The following CHI3L1 variants were observed in gnomAD, a reference collection of about 807,000 sequenced individuals.
CHI3L1 encodes chitinase-3-like protein 1.
In CHI3L1, 30 loss-of-function variants were observed where a neutral mutation model predicts 40.7. The ratio of observed to expected loss-of-function variants is 0.74; its 90% CI spans 0.55 to 1.00. The LOEUF is 1.00. Among genes scored for constraint, CHI3L1 ranks in the 50% least tolerant of loss-of-function variants. The pLI is 0.00. For synonymous variants in CHI3L1, 210 were observed against 192.1 expected (o/e 1.09, Z -0.77); for missense variants, 493 against 492.2 (o/e 1.00, Z -0.01).
At position 203,185,388 on chromosome 1, in the gene CHI3L1, G is replaced by A. The variant is rs1224829765; in HGVS notation, c.56-3C>T. On this transcript the variant is annotated splice_region_variant and splice_polypyrimidine_tract_variant and intron_variant, in intron 2 of 9. Coordinates refer to ENST00000255409, the MANE Select transcript of CHI3L1 (RefSeq NM_001276.4). ...GCAGACCAGTTTGTATGCAGAGCCT[G>A]AAGGAGAAGTCTGGGATGGGGCCCG... 3.1e-6 allele frequency: 5 copies of A among 1,613,820 alleles called. No individual in the cohort carries two copies. The highest frequency in any genetic ancestry group is 4.5e-5 in the East Asian group (2 of 44,866).
Position 203,182,721 on chromosome 1 carries a change from G to C in CHI3L1, c.587+10C>G. ...GGTTCTGGGGAGGCTGCCTGGGGCAGGAGACTCACTGGGATATCTTGGCAA... is the reference window on the plus strand; with the variant it reads ...GGTTCTGGGGAGGCTGCCTGGGGCACGAGACTCACTGGGATATCTTGGCAA... On this transcript the variant is annotated intron_variant, in intron 6 of 9. Transcript: ENST00000255409. 6.2e-7 allele frequency: 1 copy of C among 1,613,852 alleles called. No homozygotes were observed. The highest frequency in any genetic ancestry group is 8.5e-7 in the Non-Finnish European group (1 of 1,179,970).
chr1:203,179,860 G>T lies in CHI3L1; in HGVS notation c.912C>A (p.Arg304=). 1.2e-6 allele frequency: 2 copies of T among 1,614,110 alleles called. No homozygotes were observed. Among genetic ancestry groups the T allele is most frequent in the Non-Finnish European group, 1.7e-6 (2 of 1,179,988 alleles). Residue 304 remains arginine, a synonymous_variant, in exon 9 of 10, where the codon CGC becomes CGA. Transcript: ENST00000255409. ...CGAGGATTCTATGGACTGTGGCTCCGCGGAGGAAGTCACAGATCTGAGCAG... is the reference window on the plus strand; with the variant it reads ...CGAGGATTCTATGGACTGTGGCTCCTCGGAGGAAGTCACAGATCTGAGCAG... ...LAYYEICDFL[R]GATVHRILGQ...
At position 203,179,108 on chromosome 1, in the gene CHI3L1, A is replaced by G. The variant is rs1655870617; in HGVS notation, c.*337T>C. 5.0e-6 allele frequency: 1 copy of G among 201,716 alleles called. No homozygotes were observed. Among genetic ancestry groups the G allele is most frequent in the African/African-American group, 2.3e-5 (1 of 43,342 alleles). The allele number at this position is 201,716 out of a possible 1,614,324, so 12.5% of individuals were successfully genotyped here. A position where few individuals can be genotyped will look rare whatever the true frequency, so the allele number is the denominator to read the frequency against. ...CTCCTTGGTGATAGAGCTTGCCAAA[A>G]TGGTGTCCTTTGATAAGGAGGGCTG... On this transcript the variant is annotated 3_prime_UTR_variant, in exon 10 of 10. Transcript: ENST00000255409.
In CHI3L1 at chr1:203,179,777, T is replaced by C. The variant is rs377177381; in HGVS notation, c.995A>G (p.Glu332Gly). 1.9e-6 allele frequency: 3 copies of C among 1,614,222 alleles called. No individual in the cohort carries two copies. The highest frequency in any genetic ancestry group is 2.5e-6 in the Non-Finnish European group (3 of 1,180,042). The change falls in exon 9 of 10, where the codon GAA becomes GGA. Residue 332 changes from glutamate (E) to glycine (G), a missense_variant. Glu to Gly is a moderately conservative substitution (Grantham distance 98, BLOSUM62 -2). Coordinates refer to ENST00000255409, the MANE Select transcript of CHI3L1 (RefSeq NM_001276.4). Reference protein sequence around the residue: ...GNQWVGYDDQESVKSKVQYLK... With the variant: ...GNQWVGYDDQGSVKSKVQYLK... Reference sequence around the variant, plus strand: ...GAAACCTACCTTGCTTTTGACGCTTTCCTGGTCGTCGTATCCTACCCACTG... The same window carrying C: ...GAAACCTACCTTGCTTTTGACGCTTCCCTGGTCGTCGTATCCTACCCACTG...
intron 6 of CHI3L1, 147 bp downstream of exon 6, chr1:203,182,584 G>T: frequency 1.2e-6 from 1 of 843,734 alleles, no homozygotes; most frequent in Non-Finnish European, 1.9e-6. Flanking sequence ...GAAGTGACTT[G>T]CTCAAGGTCA....
intron 3 of CHI3L1, among the ~76,000 whole-genome samples, chr1:203,184,856 G>A (rs1656022223): frequency 6.6e-6 from 1 of 152,138 alleles, no homozygotes; most frequent in African/African-American, 2.4e-5. Context: ...GAGGTCTGCT[G>A]CCCATTTTTG....
At chr1:203,184,080 C>T (rs1199799573) in intron 4 of CHI3L1, among the ~76,000 whole-genome samples, 1 of 152,198 alleles carries the variant, frequency 6.6e-6, no homozygotes, top group African/African-American at 2.4e-5. Flanking sequence ...GCTCACCTTG[C>T]TGTTGTGAGG....
At chr1:203,181,136 G>GGCC (rs760069332) in intron 7 of CHI3L1, 26 bp downstream of exon 7, 1 of 1,612,702 alleles carries the variant, frequency 6.2e-7, no homozygotes, top group Non-Finnish European at 8.5e-7. Flanking sequence ...GCCCCCTCCT[G>GGCC]GCCCTCCCTC....
chr1:203,186,423 A>ACCCCC, intron 1 of CHI3L1, 78 bp from the exon 2 acceptor site: 10 of 1,320,872 alleles, frequency 7.6e-6, no homozygotes, highest in Admixed American at 2.1e-5. Context: ...AGCAACTGAG[A>ACCCCC]CCCACCTCCC....
At chr1:203,179,727 C>T (rs755294971) in intron 9 of CHI3L1, 34 bp downstream of exon 9, 10 of 1,614,080 alleles carry the variant, frequency 6.2e-6, no homozygotes, top group Non-Finnish European at 8.5e-6. Context: ...CCTTCTTTCT[C>T]TTTGTCCTGA....
rs1286871129 is a variant in CHI3L1, at chr1:203,181,146, CCTT to C, written c.711+13_711+15del. ...TTGCGGCCCCCTCCTGGCCCTCCCT[CCTT>C]CTGGGAACTCACAGTGTTGCTGAAT... On this transcript the variant is annotated intron_variant, in intron 7 of 9. Transcript: ENST00000255409. The C allele has an allele frequency of 1.2e-6, 2 of 1,613,342 alleles. No individual in the cohort carries two copies. Among genetic ancestry groups the C allele is most frequent in the South Asian group, 1.1e-5 (1 of 90,978 alleles).
chr1:203,184,374 T>C (rs185498123), intron 4 of CHI3L1, among the ~76,000 whole-genome samples: 146 of 152,336 alleles, frequency 9.6e-4, no homozygotes, highest in African/African-American at 3.3e-3. Flanking sequence ...TAACTTGCTG[T>C]GTGACTCTTG....
At chr1:203,185,027 A>G (rs1402042214) in intron 3 of CHI3L1, among the ~76,000 whole-genome samples, 157 bp downstream of exon 3, 5 of 151,988 alleles carry the variant, frequency 3.3e-5, no homozygotes, top group Non-Finnish European at 7.4e-5. Flanking sequence ...ATTGCCCAGC[A>G]CCTACAGTCA....
Position 203,179,504 on chromosome 1 carries a change from C to T in CHI3L1, c.1093G>A (p.Gly365Ser), listed in dbSNP as rs767096746. Reference sequence around the variant, plus strand: ...GTGAGAGGGAAGCGCAGATCCTGGCCACAGAAGGAGCCCTGGAAGTCATCC... The same window carrying T: ...GTGAGAGGGAAGCGCAGATCCTGGCTACAGAAGGAGCCCTGGAAGTCATCC... ...DLDDFQGSFC[G>S]QDLRFPLTNA... Residue 365 changes from glycine to serine, a missense_variant, in exon 10 of 10, where the codon GGC becomes AGC. Transcript: ENST00000255409. 64 of 1,578,244 alleles carry T rather than the reference C, an allele frequency of 4.1e-5. No homozygotes were observed. The highest frequency in any genetic ancestry group is 5.8e-5 in the South Asian group (5 of 86,566).
intron 7 of CHI3L1, 31 bp downstream of exon 7, chr1:203,181,131 C>G: frequency 6.2e-7 from 1 of 1,612,294 alleles, no homozygotes; most frequent in Non-Finnish European, 8.5e-7. Context: ...TTGCGGCCCC[C>G]TCCTGGCCCT....
At chr1:203,182,898 G>A in intron 5 of CHI3L1, 46 bp from the exon 6 acceptor site, 3 of 1,608,250 alleles carry the variant, frequency 1.9e-6, no homozygotes, top group Non-Finnish European at 2.6e-6. Context: ...CAAGTGGCAT[G>A]AGAGGTAGAC....
At chr1:203,179,636 T>C (rs1655887370) in intron 9 of CHI3L1, 51 bp from the exon 10 acceptor site, 1 of 1,613,700 alleles carries the variant, frequency 6.2e-7, no homozygotes. Flanking sequence ...ACCCAGAGTG[T>C]GTACAGGGCA....
chr1:203,183,747 A>C lies in CHI3L1; in HGVS notation c.359T>G (p.Ile120Ser), dbSNP rs1218939924. Residue 120 changes from isoleucine (I) to serine (S), a missense_variant, in exon 5 of 10, where the codon ATC (isoleucine) becomes AGC (serine). Transcript: ENST00000255409. ...ASNTQSRRTF[I>S]KSVPPFLRTH... ...GCGCAGAAATGGCGGTACTGACTTGATGAAAGTCCGGCGACTCTGGGTGTT... is the reference window on the plus strand; with the variant it reads ...GCGCAGAAATGGCGGTACTGACTTGCTGAAAGTCCGGCGACTCTGGGTGTT... The C allele has an allele frequency of 5.6e-6, 9 of 1,614,014 alleles. No homozygotes were observed. The highest frequency in any genetic ancestry group is 7.6e-6 in the Non-Finnish European group (9 of 1,179,972).
chr1:203,179,329 A>G lies in CHI3L1; in HGVS notation c.*116T>C. On this transcript the variant is annotated 3_prime_UTR_variant, in exon 10 of 10. Coordinates refer to ENST00000255409, the MANE Select transcript of CHI3L1 (RefSeq NM_001276.4). ...TGGACCTCTGCATAGGCCCCAAGGGAGGGAGACTGAGGCTCAGCCTGGGAC... is the reference window on the plus strand; with the variant it reads ...TGGACCTCTGCATAGGCCCCAAGGGGGGGAGACTGAGGCTCAGCCTGGGAC... The G allele has an allele frequency of 1.1e-6, 1 of 921,650 alleles. No individual in the cohort carries two copies. Among genetic ancestry groups the G allele is most frequent in the African/African-American group, 1.7e-5 (1 of 60,424 alleles). 57.1% of individuals were successfully genotyped at this position (921,650 alleles called of 1,614,324 possible).
Sources: gnomAD v4.1 joint callset for allele counts (sites outside exome capture counted in the v4.1 genomes callset) on GRCh38, gnomAD v4.1.1 for gene constraint, MANE v1.5 for transcripts, NCBI Gene and HGNC (gene_info 2026-07-23, HGNC 2026-07-21) for gene names.